RAD50: variants seen among roughly 807,000 people sequenced by gnomAD.
RAD50 encodes the protein RAD50 double strand break repair protein, also known as DNA repair protein RAD50.
In RAD50, 132 loss-of-function variants were observed where a neutral mutation model predicts 168.8. The observed-to-expected ratio is 0.78, with a 90% CI of 0.68 to 0.90. The LOEUF (loss-of-function observed/expected upper bound fraction) is 0.90. RAD50 is among the 40% of genes least tolerant of loss of function. RAD50 has a pLI of 0.00. For synonymous variants in RAD50, 525 were observed against 497.4 expected (o/e 1.06, Z -0.74); for missense variants, 1,347 against 1,534.4 (o/e 0.88, Z 2.04).
chr5:132,619,836 C>CTT (rs1257882764), intron 21 of RAD50, among the ~76,000 whole-genome samples: 1 of 114,410 alleles, frequency 8.7e-6, no homozygotes, highest in Non-Finnish European at 1.7e-5. Context: ...CTCTCTCTCT[C>CTT]TATATATATA....
rs876660831 is a variant in RAD50, at chr5:132,640,735, A to T, written c.3682A>T (p.Ile1228Phe). The change falls in exon 24 of 25, where the codon ATT becomes TTT. Residue 1228 changes from isoleucine to phenylalanine, a missense_variant. Ile to Phe is a conservative substitution (Grantham distance 21, BLOSUM62 0). Transcript: ENST00000378823. ...AACGTTCTGCCTCAACTGTGGCATCATTGCCTTGGATGAGCCAACAACAAA... is the reference window on the plus strand; with the variant it reads ...AACGTTCTGCCTCAACTGTGGCATCTTTGCCTTGGATGAGCCAACAACAAA... ...AETFCLNCGI[I>F]ALDEPTTNLD... 2 of 1,614,180 alleles carry T rather than the reference A, an allele frequency of 1.2e-6. No individual in the cohort carries two copies. Among genetic ancestry groups the T allele is most frequent in the Non-Finnish European group, 1.7e-6 (2 of 1,180,022 alleles).
intron 16 of RAD50, among the ~76,000 whole-genome samples, chr5:132,606,578 C>A (rs1170944337): frequency 6.6e-6 from 1 of 152,142 alleles, no homozygotes; most frequent in Non-Finnish European, 1.5e-5. Context: ...GAAACTATTC[C>A]TAACAATAGA....
intron 21 of RAD50, among the ~76,000 whole-genome samples, chr5:132,624,353 C>G (rs1185262587): frequency 6.6e-6 from 1 of 152,176 alleles, no homozygotes; most frequent in Non-Finnish European, 1.5e-5. Flanking sequence ...CAGTAGACTA[C>G]ACATACATAT....
chr5:132,635,875 G>A (rs1170018443), intron 21 of RAD50, among the ~76,000 whole-genome samples: 1 of 152,178 alleles, frequency 6.6e-6, no homozygotes, highest in Non-Finnish European at 1.5e-5. Flanking sequence ...GTTAGGCTGA[G>A]ATAAATGTAT....
At position 132,595,711 on chromosome 5, in the gene RAD50, C is replaced by A. The variant is rs769143998; in HGVS notation, c.2108C>A (p.Ser703Tyr). ...CAAGAAGTCATCAGTGATTTGCAGTCTAAACTGCGACTTGCTCCAGATAAA... is the reference window on the plus strand; with the variant it reads ...CAAGAAGTCATCAGTGATTTGCAGTATAAACTGCGACTTGCTCCAGATAAA... ...ELQEVISDLQ[S>Y]KLRLAPDKLK... The change falls in exon 13 of 25, where the codon TCT becomes TAT. Residue 703 changes from serine to tyrosine, a missense_variant. Transcript: ENST00000378823. 3 of 1,613,520 alleles carry A rather than the reference C, an allele frequency of 1.9e-6. No individual in the cohort carries two copies. The African/African-American group carries it at 4.0e-5, about 22-fold the overall frequency.
chr5:132,605,075 C>A, intron 16 of RAD50, 76 bp downstream of exon 16: 1 of 1,167,308 alleles, frequency 8.6e-7, no homozygotes, highest in Non-Finnish European at 1.2e-6. Context: ...GAGACAGTCT[C>A]GTTCTGTCAC....
intron 23 of RAD50, among the ~76,000 whole-genome samples, chr5:132,638,672 G>A (rs1751647689): frequency 6.6e-6 from 1 of 152,154 alleles, no homozygotes; most frequent in African/African-American, 2.4e-5. Flanking sequence ...GAATATTCCA[G>A]TATAGTAAGG....
rs1750775187 is a variant in RAD50, at chr5:132,595,573, C to T, written c.1970C>T (p.Ala657Val). 6.3e-7 allele frequency: 1 copy of T among 1,594,880 alleles called. No homozygotes were observed. Among genetic ancestry groups the T allele is most frequent in the Non-Finnish European group, 8.6e-7 (1 of 1,162,796 alleles). ...GATATAATTTATTTTCTTAAAATAG[C>T]CATGCTGGCTGGAGCCACAGCAGTT... ...EEIEKSSKQR[A>V]MLAGATAVYS... is the part of the protein sequence containing the mutation. The change falls in exon 13 of 25, where the codon GCC becomes GTC. Residue 657 changes from alanine (A) to valine (V), a missense_variant and splice_region_variant. Physicochemically the swap from Ala to Val is moderately conservative, Grantham distance 64 (BLOSUM62 0). Coordinates refer to ENST00000378823, the MANE Select transcript of RAD50 (RefSeq NM_005732.4).
At chr5:132,604,268 CTT>C (rs879833449) in intron 15 of RAD50, among the ~76,000 whole-genome samples, 22 of 142,472 alleles carry the variant, frequency 1.5e-4, no homozygotes, top group Admixed American at 2.8e-4. Flanking sequence ...TTCTCTTTTC[CTT>C]TTTTTTTTTT....
Position 132,606,408 on chromosome 5 carries a change from G to C in RAD50, c.2718+1409G>C, listed in dbSNP as rs929085439. On this transcript the variant is annotated intron_variant, in intron 16 of 24. Transcript: ENST00000378823. ...TTCGTGGATACATACACCCTCCCAA[G>C]TCTAATCCAGGAAGAAGTCAAATCC... 2.6e-5 allele frequency among the ~76,000 whole-genome samples: 4 copies of C among 152,134 alleles called. 1 individual carries two copies. Among genetic ancestry groups the C allele is most frequent in the African/African-American group, 4.8e-5 (2 of 41,420 alleles).
rs146428511 is a variant in RAD50 at position 132,576,565 on chromosome 5, A to G, written c.365+637A>G. On this transcript the variant is annotated intron_variant, in intron 3 of 24. Transcript: ENST00000378823. ...ATTTAACCAATAATGCACATCTACT[A>G]TGTGCTGGAGGCACTATACTGGCTT... Among the ~76,000 whole-genome samples, 1,005 of 152,294 alleles carry G rather than the reference A, an allele frequency of 6.6e-3. 14 individuals are homozygous for G. The highest frequency in any genetic ancestry group is 0.023 in the African/African-American group (953 of 41,566).
chr5:132,604,657 A>G (rs1750949996), intron 15 of RAD50, 149 bp from the exon 16 acceptor site: 1 of 688,876 alleles, frequency 1.5e-6, no homozygotes. Context: ...GAGAACTAGC[A>G]GGGTTCTCAT....
intron 2 of RAD50, among the ~76,000 whole-genome samples, chr5:132,566,318 A>C (rs1291616155): frequency 6.6e-6 from 1 of 152,194 alleles, no homozygotes; most frequent in Non-Finnish European, 1.5e-5. Context: ...TTGGCTTGCT[A>C]CTCAGGAACA....
chr5:132,620,821 TG>T (rs1431618220), intron 21 of RAD50, among the ~76,000 whole-genome samples: 3 of 152,218 alleles, frequency 2.0e-5, no homozygotes, highest in Non-Finnish European at 2.9e-5. Flanking sequence ...GTATGTTATG[TG>T]TATTATATGC....
At chr5:132,604,615 T>C (rs890085861) in intron 15 of RAD50, among the ~76,000 whole-genome samples, 191 bp from the exon 16 acceptor site, 1 of 152,124 alleles carries the variant, frequency 6.6e-6, no homozygotes, top group Non-Finnish European at 1.5e-5. Flanking sequence ...GCTTTCCCTG[T>C]GAGTGGCCAG....
intron 2 of RAD50, 53 bp from the exon 3 acceptor site, chr5:132,575,724 A>G (rs1299966820): frequency 2.6e-6 from 4 of 1,522,534 alleles, no homozygotes; most frequent in Non-Finnish European, 3.6e-6. Context: ...TCTCAGAACC[A>G]ACACTGGTGC....
intron 21 of RAD50, among the ~76,000 whole-genome samples, chr5:132,622,529 T>G (rs1751303825): frequency 6.6e-6 from 1 of 152,020 alleles, no homozygotes; most frequent in Non-Finnish European, 1.5e-5. Context: ...ATACACATTT[T>G]ATACCTAGGC....
At chr5:132,563,434 CAAATG>C in intron 2 of RAD50, among the ~76,000 whole-genome samples, 1 of 152,128 alleles carries the variant, frequency 6.6e-6, no homozygotes, top group Middle Eastern at 3.4e-3. Context: ...TTTATATTCT[CAAATG>C]AAAAAAGAAA....
intron 21 of RAD50, among the ~76,000 whole-genome samples, chr5:132,623,897 A>G (rs1022554353): frequency 6.6e-6 from 1 of 152,346 alleles, no homozygotes; most frequent in East Asian, 1.9e-4. Context: ...TTAGTTAGTG[A>G]TGATAACAAA....
Sources: gnomAD v4.1 joint callset for allele counts (sites outside exome capture counted in the v4.1 genomes callset) on GRCh38, gnomAD v4.1.1 for gene constraint, MANE v1.5 for transcripts, NCBI Gene and HGNC (gene_info 2026-07-23, HGNC 2026-07-21) for gene names.